Variants in LMLN observed in about 807,000 individuals in gnomAD.
LMLN encodes leishmanolysin-like peptidase.
Under a neutral mutation model 92.3 loss-of-function variants are expected in LMLN, and 70 were observed. The ratio of observed to expected loss-of-function variants is 0.76; its 90% CI spans 0.63 to 0.92. The LOEUF (loss-of-function observed/expected upper bound fraction) is 0.92, where lower values mean the gene tolerates loss of function less well. LMLN is among the 40% of genes least tolerant of loss of function. The pLI is 0.00. For synonymous variants in LMLN, 308 were observed against 296.2 expected (o/e 1.04, Z -0.41); for missense variants, 691 against 814.6 (o/e 0.85, Z 1.85).
rs1228869443 is a variant in LMLN at position 197,974,339 on chromosome 3, A to ATG, written c.220-36_220-35dup. ...TTTGGATTGCAGTGGGTTAATCTGT[A>ATG]TGTCTTAAACAGTTTTCAAATCCGT... On this transcript the variant is annotated intron_variant, in intron 1 of 15. Transcript: ENST00000330198. 5 of 1,055,578 alleles carry ATG rather than the reference A, an allele frequency of 4.7e-6. No individual in the cohort carries two copies. The African/African-American group carries it at 8.0e-5, about 17-fold the overall frequency. 65.4% of individuals were successfully genotyped at this position (1,055,578 alleles called of 1,614,324 possible). A position where few individuals can be genotyped will look rare whatever the true frequency, so the allele number is the denominator to read the frequency against.
intron 11 of LMLN, among the ~76,000 whole-genome samples, chr3:198,006,840 G>A (rs1581163315): frequency 6.6e-6 from 1 of 152,098 alleles, no homozygotes; most frequent in African/African-American, 2.4e-5. Context: ...AGCCTCCAGA[G>A]TAGCTGGGAC....
chr3:197,973,160 G>A (rs1429016772), intron 1 of LMLN, among the ~76,000 whole-genome samples: 2 of 152,014 alleles, frequency 1.3e-5, no homozygotes, highest in Admixed American at 1.3e-4. Context: ...TCCGGACTTT[G>A]TAATGTGTTA....
intron 13 of LMLN, among the ~76,000 whole-genome samples, chr3:198,023,389 A>G (rs1032781306): frequency 5.9e-5 from 9 of 151,920 alleles, no homozygotes; most frequent in Non-Finnish European, 1.5e-5. Context: ...GAGGCTTGCT[A>G]TGTTACCCAG....
At chr3:198,023,098 G>A (rs536756679) in intron 13 of LMLN, among the ~76,000 whole-genome samples, 38 of 152,220 alleles carry the variant, frequency 2.5e-4, no homozygotes, top group African/African-American at 7.2e-4. Context: ...AGCCGTTACC[G>A]TCTGAAAGCA....
At chr3:197,962,970 C>T (rs1361660873) in intron 1 of LMLN, among the ~76,000 whole-genome samples, 2 of 151,904 alleles carry the variant, frequency 1.3e-5, no homozygotes. Flanking sequence ...AAAGACAGAT[C>T]CATATAAATT....
intron 11 of LMLN, among the ~76,000 whole-genome samples, chr3:198,012,899 C>T (rs1304131703): frequency 7.8e-6 from 1 of 128,902 alleles, no homozygotes; most frequent in East Asian, 2.1e-4. Flanking sequence ...ACTAGTCTGA[C>T]TTCTCTGTAC....
intron 11 of LMLN, among the ~76,000 whole-genome samples, chr3:198,012,317 GGCTTCCCA>G (rs1191330764): frequency 6.6e-6 from 1 of 152,230 alleles, no homozygotes; most frequent in Admixed American, 6.5e-5. Context: ...TGCCCGCCCT[GGCTTCCCA>G]ATGTGTTGGG....
intron 1 of LMLN, 112 bp from the exon 2 acceptor site, chr3:197,974,265 A>G: frequency 1.6e-6 from 1 of 638,942 alleles, no homozygotes; most frequent in South Asian, 1.9e-5. Flanking sequence ...TGGGTCACAG[A>G]ACTTTTTCTC....
Position 198,042,548 on chromosome 3 carries a change from G to A in LMLN, c.*3881G>A, listed in dbSNP as rs983512696. 1 of 152,176 alleles carries A rather than the reference G, an allele frequency of 6.6e-6. No individual in the cohort carries two copies. The highest frequency in any genetic ancestry group is 2.4e-5 in the African/African-American group (1 of 41,442). The allele number at this position is 152,176 out of a possible 1,614,324, so 9.4% of individuals were successfully genotyped here. A position where few individuals can be genotyped will look rare whatever the true frequency, so the allele number is the denominator to read the frequency against. On this transcript the variant is annotated 3_prime_UTR_variant, in exon 16 of 16. Transcript: ENST00000330198. This position sits in a 1 kb window ranked among gnomAD's most constrained non-coding sequence, Gnocchi z 4.2. ...TTCATGTTAGCAAAGACGAAGCCAC[G>A]TCGCTGTGTTAAGAGGGACAGGCTG... is the stretch of plus-strand genomic sequence containing the variant.
chr3:198,033,561 C>T (rs1022072050), intron 14 of LMLN, among the ~76,000 whole-genome samples: 1 of 152,014 alleles, frequency 6.6e-6, no homozygotes, highest in African/African-American at 2.4e-5. Flanking sequence ...ACCATTACGC[C>T]TGGCTAATTT....
chr3:197,997,373 A>G (rs1316744231), intron 10 of LMLN, among the ~76,000 whole-genome samples: 1 of 152,020 alleles, frequency 6.6e-6, no homozygotes, highest in African/African-American at 2.4e-5. Flanking sequence ...GACTCAAGCA[A>G]TTCACCCGCC....
chr3:198,026,525 A>T (rs1045054825), intron 14 of LMLN, among the ~76,000 whole-genome samples: 2 of 148,954 alleles, frequency 1.3e-5, no homozygotes, highest in African/African-American at 5.0e-5. Flanking sequence ...GGCTGGTCTC[A>T]AACTCCTGGC....
At chr3:198,015,068 T>C (rs13085881) in intron 11 of LMLN, among the ~76,000 whole-genome samples, 72 of 115,024 alleles carry the variant, frequency 6.3e-4, no homozygotes, top group East Asian at 1.3e-3. Context: ...CTTCAGAGCC[T>C]CCTAACTAGT....
At chr3:197,963,438 G>A (rs887392534) in intron 1 of LMLN, among the ~76,000 whole-genome samples, 4 of 152,098 alleles carry the variant, frequency 2.6e-5, no homozygotes, top group Non-Finnish European at 5.9e-5. Flanking sequence ...CGATCCTCCT[G>A]CCTCGACCTC....
chr3:197,960,235 T>A (rs763768896), exon 1 of LMLN: 3 of 1,609,502 alleles, frequency 1.9e-6, no homozygotes, highest in Non-Finnish European at 2.5e-6. Flanking sequence ...GTAACGACGC[T>A]CGGCCCGAAG....
intron 14 of LMLN, among the ~76,000 whole-genome samples, chr3:198,027,822 C>T (rs539785151): frequency 6.6e-5 from 10 of 152,288 alleles, no homozygotes; most frequent in African/African-American, 2.2e-4. Context: ...GCAGCGAACA[C>T]TGGCTTCCGC....
intron 15 of LMLN, among the ~76,000 whole-genome samples, chr3:198,036,955 A>G (rs1381511782): frequency 2.6e-5 from 4 of 152,066 alleles, no homozygotes; most frequent in Non-Finnish European, 5.9e-5. Context: ...AGAGGGCCAC[A>G]CTCAGTTTTC....
chr3:198,032,754 G>A (rs1415919549), intron 14 of LMLN, among the ~76,000 whole-genome samples: 1 of 152,150 alleles, frequency 6.6e-6, no homozygotes, highest in Non-Finnish European at 1.5e-5. Context: ...CCATGACCCA[G>A]ACACCTCTCA....
At chr3:198,039,428 T>G (rs1406061849) in exon 16 of LMLN, 1 of 152,254 alleles carries the variant, frequency 6.6e-6, no homozygotes, top group Non-Finnish European at 1.5e-5. Flanking sequence ...GAATTGGGAT[T>G]TCTACATATC....
Sources: gnomAD v4.1 joint callset for allele counts (sites outside exome capture counted in the v4.1 genomes callset) on GRCh38, gnomAD v4.1.1 for gene constraint, Gnocchi (gnomAD v3.1) non-coding constraint, MANE v1.5 for transcripts, NCBI Gene and HGNC (gene_info 2026-07-23, HGNC 2026-07-21) for gene names.